The following HELZ variants were observed in gnomAD, a reference collection of about 807,000 sequenced individuals.
HELZ encodes the protein ATP-dependent RNA helicase with zinc finger domain.
In HELZ, 23 loss-of-function variants were observed where a neutral mutation model predicts 218.2. The observed-to-expected ratio is 0.11, with a 90% CI of 0.08 to 0.15. HELZ has a LOEUF of 0.15. Ranked by LOEUF, HELZ falls within the 10% of genes least tolerant of loss-of-function variation. HELZ has a pLI of 1.00. For synonymous variants in HELZ, 814 were observed against 829.4 expected (o/e 0.98, Z 0.32); for missense variants, 1,813 against 2,353.7 (o/e 0.77, Z 4.75).
chr17:67,149,756 C>A, intron 19 of HELZ, 111 bp downstream of exon 19: 1 of 580,892 alleles, frequency 1.7e-6, no homozygotes, highest in South Asian at 2.7e-5. Context: ...ATTTGAAGTA[C>A]TAAAGTTATA....
rs2038670384 is a variant in HELZ at position 67,151,174 on chromosome 17, T to C, written c.2228A>G (p.Gln743Arg). The C allele has an allele frequency of 6.2e-7, 1 of 1,613,956 alleles. No individual in the cohort carries two copies. The highest frequency in any genetic ancestry group is 8.5e-7 in the Non-Finnish European group (1 of 1,179,874). ...ATGTGCGCTTGAGATCAAACAGTAC[T>C]GATGCACAACTGGGTGGACAGTCTT... is the stretch of plus-strand genomic sequence containing the variant. ...WVKTVHPVVH[Q>R]YCLISSAHST... The change falls in exon 18 of 33, where the codon CAG (glutamine) becomes CGG (arginine). Residue 743 changes from glutamine to arginine, a missense_variant. Gln to Arg is a conservative substitution (Grantham distance 43). This residue lies in a region of HELZ where 714 missense variants were observed against 1,029.2 expected (regional missense o/e 0.69). Coordinates refer to ENST00000358691, the MANE Select transcript of HELZ (RefSeq NM_014877.4).
At chr17:67,110,522 T>C (rs1305106351) in intron 28 of HELZ, among the ~76,000 whole-genome samples, 2 of 152,234 alleles carry the variant, frequency 1.3e-5, no homozygotes, top group African/African-American at 4.8e-5. Context: ...TTCCATTACA[T>C]ATTGACATTC....
intron 32 of HELZ, among the ~76,000 whole-genome samples, 198 bp downstream of exon 32, chr17:67,086,631 A>AATATATATATATAT (rs71139116): frequency 0.013 from 1,168 of 92,810 alleles, 29 homozygotes; most frequent in Non-Finnish European, 0.017. Flanking sequence ...TATAAATATA[A>AATATATATATATAT]ATATATATAT....
At chr17:67,102,105 CA>C (rs1434007927) in intron 31 of HELZ, among the ~76,000 whole-genome samples, 1 of 152,148 alleles carries the variant, frequency 6.6e-6, no homozygotes, top group Non-Finnish European at 1.5e-5. Flanking sequence ...AAGGAAAATC[CA>C]TGGAGTTAAG....
intron 21 of HELZ, among the ~76,000 whole-genome samples, chr17:67,140,023 G>A (rs907131914): frequency 2.0e-5 from 3 of 152,134 alleles, no homozygotes; most frequent in African/African-American, 7.2e-5. Flanking sequence ...AATGGCCTTG[G>A]CAGCCCATTG....
intron 5 of HELZ, among the ~76,000 whole-genome samples, chr17:67,204,535 T>C (rs764299311): frequency 6.6e-6 from 1 of 152,188 alleles, no homozygotes; most frequent in Non-Finnish European, 1.5e-5. Flanking sequence ...CTATATAATG[T>C]TCTACCAAGT....
intron 15 of HELZ, among the ~76,000 whole-genome samples, chr17:67,165,392 C>T (rs1598352786): frequency 6.6e-6 from 1 of 152,156 alleles, no homozygotes; most frequent in Admixed American, 6.5e-5. Context: ...CGTGACCCTC[C>T]GTGCTCACTC....
intron 7 of HELZ, among the ~76,000 whole-genome samples, chr17:67,198,308 G>C (rs1461333789): frequency 6.6e-6 from 1 of 152,224 alleles, no homozygotes; most frequent in Non-Finnish European, 1.5e-5. Flanking sequence ...AAGAATCAGT[G>C]ACGACCCGCA....
intron 26 of HELZ, among the ~76,000 whole-genome samples, chr17:67,121,318 A>G (rs2037602338): frequency 6.6e-6 from 1 of 152,250 alleles, no homozygotes; most frequent in Non-Finnish European, 1.5e-5. Flanking sequence ...AATCTTACAA[A>G]ATAGAAGTCT....
chr17:67,172,803 G>A (rs182847296), intron 13 of HELZ, among the ~76,000 whole-genome samples: 5 of 152,078 alleles, frequency 3.3e-5, no homozygotes, highest in East Asian at 1.9e-4. Flanking sequence ...ATGGGGTCTC[G>A]CCATGTTGCC....
intron 4 of HELZ, among the ~76,000 whole-genome samples, chr17:67,217,730 A>G (rs1309405517): frequency 6.6e-6 from 1 of 151,966 alleles, no homozygotes; most frequent in Non-Finnish European, 1.5e-5. Flanking sequence ...CTCTTCCTCC[A>G]GTTTTACACA....
chr17:67,166,465 C>A lies in HELZ; in HGVS notation c.1895+13G>T, dbSNP rs188178569. 2 of 1,601,064 alleles carry A rather than the reference C, an allele frequency of 1.2e-6. No homozygotes were observed. Among genetic ancestry groups the A allele is most frequent in the East Asian group, 4.5e-5 (2 of 44,730 alleles). On this transcript the variant is annotated intron_variant, in intron 15 of 32. Coordinates refer to ENST00000358691, the MANE Select transcript of HELZ (RefSeq NM_014877.4). ...AACCTAACTTCCTTTAATAAGATAT[C>A]GCCTTTTTGTACCTGTTAGGACTCC...
intron 28 of HELZ, among the ~76,000 whole-genome samples, chr17:67,111,707 C>T (rs1266389690): frequency 1.3e-5 from 2 of 152,156 alleles, no homozygotes; most frequent in Non-Finnish European, 1.5e-5. Context: ...AAATTATCTA[C>T]AAAAAGAAGT....
chr17:67,240,409 C>G (rs1335349673), intron 2 of HELZ, among the ~76,000 whole-genome samples: 1 of 152,010 alleles, frequency 6.6e-6, no homozygotes, highest in East Asian at 1.9e-4. Context: ...TTTTTTTAAC[C>G]TTTTTTACTT....
chr17:67,145,570 T>C (rs746345176), intron 21 of HELZ, among the ~76,000 whole-genome samples, 173 bp downstream of exon 21: 44 of 152,294 alleles, frequency 2.9e-4, no homozygotes, highest in Middle Eastern at 3.4e-3. Context: ...CCATAGGAGA[T>C]TCATCTGAAC....
Position 67,120,418 on chromosome 17 carries a change from C to A in HELZ, c.3825G>T (p.Glu1275Asp). The change falls in exon 27 of 33, where the codon GAG becomes GAT. Residue 1275 changes from glutamate (E) to aspartate (D), a missense_variant. Physicochemically the swap from Glu to Asp is conservative, Grantham distance 45. Coordinates refer to ENST00000358691, the MANE Select transcript of HELZ (RefSeq NM_014877.4). ...QNQHQEKDQH[E>D]QNRNGKSDTN... ...AGTACAACTTACCATTTCGATTTTG[C>A]TCATGTTGATCCTTCTCCTGATGCT... 1 of 1,613,908 alleles carries A rather than the reference C, an allele frequency of 6.2e-7. No homozygotes were observed.
intron 31 of HELZ, among the ~76,000 whole-genome samples, chr17:67,087,428 G>C (rs9909441): frequency 0.039 from 5,869 of 152,256 alleles, 387 homozygotes; most frequent in African/African-American, 0.13. Context: ...TGACATTTTA[G>C]ATAATAGTAG....
intron 13 of HELZ, among the ~76,000 whole-genome samples, chr17:67,168,923 A>C (rs1395716043): frequency 6.6e-6 from 1 of 152,064 alleles, no homozygotes; most frequent in Admixed American, 6.6e-5. Context: ...GAAACCCTGC[A>C]TCTACTAAAA....
Position 67,107,360 on chromosome 17 carries a change from T to C in HELZ, c.5050A>G (p.Thr1684Ala). ...TGATTCTGTTGCAAGTTAGCAAAAG[T>C]CCATGCTCCATCAGGTGCCAGGTAT... The part of the protein sequence containing the change: ...LKYLAPDGAW[T>A]FANLQQNHLM... Residue 1684 changes from threonine to alanine, a missense_variant, in exon 31 of 33, where the codon ACT (threonine) becomes GCT (alanine). Around this residue, in one of 4 missense-constraint regions of HELZ, gnomAD observed 938 missense variants for 1,027.5 expected, o/e 0.91. Coordinates refer to ENST00000358691, the MANE Select transcript of HELZ (RefSeq NM_014877.4). 6.2e-7 allele frequency: 1 copy of C among 1,614,136 alleles called. No homozygotes were observed. Among genetic ancestry groups the C allele is most frequent in the South Asian group, 1.1e-5 (1 of 91,078 alleles).
Sources: allele counts gnomAD v4.1 joint callset (sites outside exome capture counted in the v4.1 genomes callset), GRCh38; gene constraint gnomAD v4.1.1; regional missense constraint gnomAD v4.1.1; transcripts MANE v1.5; gene names NCBI Gene and HGNC (gene_info 2026-07-23, HGNC 2026-07-21).